Variants in PRR5L observed in about 807,000 individuals in gnomAD.
PRR5L encodes proline-rich protein 5-like.
Under a neutral mutation model 36.4 loss-of-function variants are expected in PRR5L, and 21 were observed. The ratio of observed to expected loss-of-function variants is 0.58; its 90% CI spans 0.41 to 0.83. The LOEUF is 0.83. Ranked by LOEUF, PRR5L falls within the 40% of genes least tolerant of loss-of-function variation. The probability of loss-of-function intolerance (pLI) is 0.00; values close to 1 mark genes in which losing one functional copy is unlikely to be tolerated. For missense variants in PRR5L, 381 were observed against 473.3 expected (o/e 0.80, Z 1.81); for synonymous variants, 188 against 197.0 (o/e 0.95, Z 0.38).
intron 1 of PRR5L, among the ~76,000 whole-genome samples, chr11:36,356,484 A>T (rs1857029548): frequency 6.6e-6 from 1 of 152,070 alleles, no homozygotes; most frequent in Admixed American, 6.6e-5. Flanking sequence ...GCTTCGGTTT[A>T]TTGCACTTCA....
chr11:36,376,701 G>A (rs986973976), intron 1 of PRR5L: 1 of 989,494 alleles, frequency 1.0e-6, no homozygotes, highest in African/African-American at 1.7e-5. Flanking sequence ...GGGACCCCAA[G>A]GAGGTGAGTG....
chr11:36,306,561 T>C (rs1364013465), intron 1 of PRR5L, among the ~76,000 whole-genome samples: 3 of 152,242 alleles, frequency 2.0e-5, no homozygotes, highest in Non-Finnish European at 4.4e-5. Context: ...ATGTACCTAC[T>C]ACCTTCGTTG....
Position 36,458,687 on chromosome 11 carries a change from C to T in PRR5L, c.713-3655C>T, listed in dbSNP as rs571767991. ...ATTGGCTCTAGAAGTGGCTGACACA[C>T]GTGTCTAGGGCCCTCCAGATCCACT... On this transcript the variant is annotated intron_variant, in intron 8 of 8. Coordinates refer to ENST00000530639, the MANE Select transcript of PRR5L (RefSeq NM_001160167.2). 2.6e-3 allele frequency among the ~76,000 whole-genome samples: 396 copies of T among 152,308 alleles called. 2 individuals carry two copies. The highest frequency in any genetic ancestry group is 5.6e-3 in the African/African-American group (231 of 41,576).
intron 3 of PRR5L, among the ~76,000 whole-genome samples, chr11:36,411,147 A>G (rs12284020): frequency 0.15 from 23,364 of 152,134 alleles, 2,148 homozygotes; most frequent in African/African-American, 0.26. Context: ...GGATTTTGCC[A>G]CCTTGGGTCT....
intron 1 of PRR5L, among the ~76,000 whole-genome samples, chr11:36,339,825 C>T (rs914701826): frequency 1.3e-5 from 2 of 152,226 alleles, no homozygotes; most frequent in African/African-American, 4.8e-5. Flanking sequence ...ATGCCAGCTA[C>T]CCCACCCCAT....
At chr11:36,429,025 A>G (rs1005418267) in intron 4 of PRR5L, among the ~76,000 whole-genome samples, 2 of 152,216 alleles carry the variant, frequency 1.3e-5, no homozygotes, top group African/African-American at 4.8e-5. Context: ...TAATATAGGA[A>G]TAATTACTTT....
intron 1 of PRR5L, among the ~76,000 whole-genome samples, chr11:36,369,688 A>G (rs1857178990): frequency 1.3e-5 from 2 of 152,066 alleles, no homozygotes; most frequent in African/African-American, 4.8e-5. Flanking sequence ...TCTGCCTCCC[A>G]GGTTCAAGCG....
chr11:36,306,874 T>C (rs1400344681), intron 1 of PRR5L, among the ~76,000 whole-genome samples: 1 of 135,226 alleles, frequency 7.4e-6, no homozygotes, highest in African/African-American at 2.5e-5. Context: ...TTTCTCATAG[T>C]GCTAAAAAAA....
At chr11:36,357,547 A>G (rs1030734850) in intron 1 of PRR5L, among the ~76,000 whole-genome samples, 1 of 152,218 alleles carries the variant, frequency 6.6e-6, no homozygotes, top group Non-Finnish European at 1.5e-5. Flanking sequence ...AGTTGAAGTC[A>G]GTCCTCATTT....
chr11:36,351,577 A>ATT (rs1491240870), intron 1 of PRR5L, among the ~76,000 whole-genome samples: 3 of 25,978 alleles, frequency 1.2e-4, no homozygotes, highest in South Asian at 1.7e-3. Flanking sequence ...ATATTTATAT[A>ATT]AATATATATT....
intron 1 of PRR5L, chr11:36,376,734 A>G: frequency 1.0e-6 from 1 of 983,014 alleles, no homozygotes; most frequent in South Asian, 4.7e-5. Context: ...CGTCTCTGGG[A>G]GGGGCCGGAG....
intron 1 of PRR5L, chr11:36,398,578 G>C (rs1046200502): frequency 3.9e-5 from 6 of 152,274 alleles, no homozygotes; most frequent in African/African-American, 1.4e-4. Context: ...TTCGGGAGGA[G>C]AAAAATGAGT....
chr11:36,380,377 C>T (rs1444552230), intron 1 of PRR5L: 2 of 152,094 alleles, frequency 1.3e-5, no homozygotes, highest in African/African-American at 4.8e-5. Context: ...CTCCCGATGC[C>T]TTCTGCTGCC....
chr11:36,365,271 AT>A (rs1857132834), intron 1 of PRR5L, among the ~76,000 whole-genome samples: 1 of 151,750 alleles, frequency 6.6e-6, no homozygotes, highest in Admixed American at 6.6e-5. Context: ...TTCTCTGTAA[AT>A]TTGGGAGACT....
Position 36,412,854 on chromosome 11 carries a change from C to G in PRR5L, c.246-6401C>G, listed in dbSNP as rs541418401. Among the ~76,000 whole-genome samples, 241 of 152,274 alleles carry G rather than the reference C, an allele frequency of 1.6e-3. 1 individual carries two copies. The highest frequency in any genetic ancestry group is 5.6e-3 in the African/African-American group (231 of 41,552). ...TTGAGCTCTGTTTCATCCTTTTCTT[C>G]TAGCATCCAGAACCATGTCTAACAC... is the stretch of plus-strand genomic sequence containing the variant. On this transcript the variant is annotated intron_variant, in intron 3 of 8. Coordinates refer to ENST00000530639, the MANE Select transcript of PRR5L (RefSeq NM_001160167.2).
chr11:36,450,558 C>T (rs1858921584), intron 7 of PRR5L, among the ~76,000 whole-genome samples: 1 of 152,178 alleles, frequency 6.6e-6, no homozygotes, highest in African/African-American at 2.4e-5. Context: ...TTTTAATTGG[C>T]TCTTCATCTT....
In PRR5L at chr11:36,433,445, C is replaced by G. The variant is rs530797002; in HGVS notation, c.352+1535C>G. 7.2e-5 allele frequency among the ~76,000 whole-genome samples: 11 copies of G among 152,288 alleles called. No individual in the cohort carries two copies. The East Asian group carries it at 1.9e-3, about 27-fold the overall frequency. On this transcript the variant is annotated intron_variant, in intron 5 of 8. Transcript: ENST00000530639. ...ACAGGATTCCCTTCTTATTTTAAGG[C>G]TAATATTCCATTTTATGTGTATGCT... is the stretch of plus-strand genomic sequence containing the variant.
At chr11:36,314,724 A>G (rs1208379842) in intron 1 of PRR5L, among the ~76,000 whole-genome samples, 2 of 152,198 alleles carry the variant, frequency 1.3e-5, no homozygotes, top group Non-Finnish European at 2.9e-5. Context: ...GTCTTCAACT[A>G]GATTCATTGA....
intron 8 of PRR5L, among the ~76,000 whole-genome samples, chr11:36,453,542 C>A (rs1391346514): frequency 6.6e-6 from 1 of 152,168 alleles, no homozygotes; most frequent in Non-Finnish European, 1.5e-5. Flanking sequence ...AAGGATGTGA[C>A]CCTCTTTTGG....
Sources: allele counts gnomAD v4.1 joint callset (sites outside exome capture counted in the v4.1 genomes callset), GRCh38; gene constraint gnomAD v4.1.1; transcripts MANE v1.5; gene names NCBI Gene and HGNC (gene_info 2026-07-23, HGNC 2026-07-21).